Variants in SV2C observed in about 807,000 individuals in gnomAD.
SV2C encodes solute carrier family 22 member B3.
Under a neutral mutation model 79.7 loss-of-function variants are expected in SV2C, and 49 were observed. The observed-to-expected ratio is 0.61, with a 90% CI of 0.49 to 0.78. The LOEUF (loss-of-function observed/expected upper bound fraction) is 0.78, where lower values mean the gene tolerates loss of function less well. Ranked by LOEUF, SV2C falls within the 30% of genes least tolerant of loss-of-function variation. SV2C has a pLI of 0.00. For missense variants in SV2C, 833 were observed against 912.9 expected, an observed-to-expected ratio of 0.91 and a Z score of 1.13; for synonymous variants, 334 against 333.2, an observed-to-expected ratio of 1.00 and a Z score of -0.03.
At chr5:75,996,261 T>C in the SV2C span, among the ~76,000 whole-genome samples, 2 of 152,302 alleles carry the variant, frequency 1.3e-5, no homozygotes, top group Admixed American at 6.5e-5. Context: ...CCATTGCTTG[T>C]TTTTCTCAGG....
chr5:75,955,390 C>T, the SV2C span, among the ~76,000 whole-genome samples: 37,610 of 150,672 alleles, frequency 0.25, 5,908 homozygotes, highest in Non-Finnish European at 0.37. Flanking sequence ...ACACAAAAAT[C>T]AATTCAAGAT....
At chr5:76,042,745 A>G in the SV2C span, among the ~76,000 whole-genome samples, 510 of 152,200 alleles carry the variant, frequency 3.4e-3, 6 homozygotes, top group African/African-American at 0.012. Context: ...CCTTTCTCCA[A>G]TTCCAGGTTT....
chr5:76,337,858 T>C (rs115120134), downstream of SV2C, among the ~76,000 whole-genome samples: 2,692 of 152,022 alleles, frequency 0.018, 50 homozygotes, highest in South Asian at 0.032. Context: ...AAAAAAAAAC[T>C]TGGAGTCAGT....
intron 4 of SV2C, among the ~76,000 whole-genome samples, chr5:76,269,102 C>T (rs1447196190): frequency 1.3e-5 from 2 of 152,164 alleles, no homozygotes; most frequent in East Asian, 3.9e-4. Flanking sequence ...GCACTGTTGA[C>T]ATTTTAGGCT....
chr5:75,974,327 A>G, the SV2C span, among the ~76,000 whole-genome samples: 1 of 152,228 alleles, frequency 6.6e-6, no homozygotes, highest in South Asian at 2.1e-4. Flanking sequence ...CAGCATTGTA[A>G]TAACTTTTAA....
chr5:76,030,289 T>TTTTTTTTATTTTTTTA, the SV2C span, among the ~76,000 whole-genome samples: 1 of 117,874 alleles, frequency 8.5e-6, no homozygotes, highest in African/African-American at 3.9e-5. Flanking sequence ...TTTTTTTTTT[T>TTTTTTTTATTTTTTTA]TTTATTTATT....
chr5:76,203,279 C>A, intron 3 of SV2C, among the ~76,000 whole-genome samples: 1 of 151,414 alleles, frequency 6.6e-6, no homozygotes, highest in African/African-American at 2.4e-5. Context: ...GTGCCTGGCC[C>A]AGAGTTTGAT....
the SV2C span, among the ~76,000 whole-genome samples, chr5:76,072,914 G>A: frequency 6.6e-6 from 1 of 152,144 alleles, no homozygotes; most frequent in Non-Finnish European, 1.5e-5. Flanking sequence ...TTGGAAAATT[G>A]TCTATTCATG....
At chr5:75,909,363 A>C in the SV2C span, among the ~76,000 whole-genome samples, 2 of 152,210 alleles carry the variant, frequency 1.3e-5, no homozygotes, top group Non-Finnish European at 2.9e-5. Flanking sequence ...GATATATTTA[A>C]AATGCCACTT....
At chr5:76,079,728 T>G (rs1281359924), upstream of SV2C, 2 of 280,062 alleles carry the variant, frequency 7.1e-6, no homozygotes, top group Non-Finnish European at 7.3e-6. Flanking sequence ...AACTTCGAAT[T>G]GTGGGTATTT....
chr5:76,010,263 G>T, the SV2C span, among the ~76,000 whole-genome samples: 2 of 152,094 alleles, frequency 1.3e-5, no homozygotes, highest in African/African-American at 4.8e-5. Context: ...AATTACGGGA[G>T]CCCAGCTGTG....
chr5:75,877,938 T>C, the SV2C span, among the ~76,000 whole-genome samples: 18,650 of 137,574 alleles, frequency 0.14, 1,381 homozygotes, highest in African/African-American at 0.26. Context: ...CAGGGAGTGA[T>C]AGAAAAAAAA....
chr5:76,060,118 T>C, the SV2C span, among the ~76,000 whole-genome samples: 21 of 152,260 alleles, frequency 1.4e-4, no homozygotes, highest in African/African-American at 5.1e-4. Flanking sequence ...CTTATTTCAT[T>C]TATAGAGCCT....
chr5:76,249,451 A>T (rs76152529), intron 4 of SV2C, among the ~76,000 whole-genome samples: 6,673 of 152,298 alleles, frequency 0.044, 492 homozygotes, highest in African/African-American at 0.15. Flanking sequence ...TGCATGATGC[A>T]GTCCCATTAT....
chr5:76,138,005 G>A (rs918085540), intron 2 of SV2C, among the ~76,000 whole-genome samples: 1 of 152,230 alleles, frequency 6.6e-6, no homozygotes, highest in Non-Finnish European at 1.5e-5. Context: ...TAGTGTTACA[G>A]GTTCAGTGTT....
intron 2 of SV2C, among the ~76,000 whole-genome samples, chr5:76,135,768 A>G (rs1432532453): frequency 1.3e-5 from 2 of 152,180 alleles, no homozygotes; most frequent in Non-Finnish European, 2.9e-5. Context: ...GCTGTGACTC[A>G]GAGTGGATTC....
the SV2C span, among the ~76,000 whole-genome samples, chr5:75,903,331 T>G: frequency 6.6e-6 from 1 of 151,730 alleles, no homozygotes; most frequent in Non-Finnish European, 1.5e-5. Context: ...GACCCTTGAG[T>G]GTTGTGTGTA....
At chr5:76,255,255 T>C (rs1746229599) in intron 4 of SV2C, among the ~76,000 whole-genome samples, 1 of 152,240 alleles carries the variant, frequency 6.6e-6, no homozygotes, top group African/African-American at 2.4e-5. Context: ...ATCAAAATCA[T>C]AAAGTATATG....
At chr5:76,117,746 G>T (rs139591449) in intron 1 of SV2C, among the ~76,000 whole-genome samples, 71 of 152,002 alleles carry the variant, frequency 4.7e-4, no homozygotes, top group African/African-American at 1.6e-3. Flanking sequence ...TAACAAAAAA[G>T]TTCCAGAACT....
Sources: gnomAD v4.1 joint callset for allele counts (sites outside exome capture counted in the v4.1 genomes callset) on GRCh38, gnomAD v4.1.1 for gene constraint, MANE v1.5 for transcripts, NCBI Gene and HGNC (gene_info 2026-07-23, HGNC 2026-07-21) for gene names.